Variants in PRL observed in about 807,000 individuals in gnomAD.
The protein encoded by PRL is prolactin.
PRL carries 24 observed loss-of-function variants against 21.3 expected under a neutral mutation model. That is an observed-to-expected ratio of 1.13 (90% confidence interval 0.82 to 1.59). The LOEUF is 1.59. Among genes scored for constraint, PRL ranks in the 40% most tolerant of loss-of-function variants. The pLI is 0.00. For synonymous variants in PRL, 118 were observed against 115.7 expected, an observed-to-expected ratio of 1.02 and a Z score of -0.13; for missense variants, 243 against 286.9, an observed-to-expected ratio of 0.85 and a Z score of 1.10.
At chr6:22,293,462 A>G (rs1210108487) in intron 2 of PRL, among the ~76,000 whole-genome samples, 1 of 152,158 alleles carries the variant, frequency 6.6e-6, no homozygotes, top group Non-Finnish European at 1.5e-5. Context: ...GAGGCCCTTG[A>G]TTTATTAAAG....
chr6:22,298,883 A>G (rs550999904), upstream of PRL, among the ~76,000 whole-genome samples: 1 of 152,318 alleles, frequency 6.6e-6, no homozygotes, highest in African/African-American at 2.4e-5. Context: ...GATAGCCAGG[A>G]TAAGAGCAAT....
upstream of PRL, among the ~76,000 whole-genome samples, chr6:22,298,955 G>T (rs536466884): frequency 6.6e-6 from 1 of 152,278 alleles, no homozygotes; most frequent in Non-Finnish European, 1.5e-5. Context: ...ACTGCAAAGA[G>T]GTACAGGTTT....
chr6:22,291,929 C>A (rs1231133976), intron 3 of PRL, among the ~76,000 whole-genome samples: 2 of 152,148 alleles, frequency 1.3e-5, no homozygotes, highest in African/African-American at 4.8e-5. Flanking sequence ...AGAACAGTGG[C>A]AACTGTAGCT....
At chr6:22,302,151 T>A (rs1761292190), upstream of PRL, among the ~76,000 whole-genome samples, 1 of 152,186 alleles carries the variant, frequency 6.6e-6, no homozygotes, top group Non-Finnish European at 1.5e-5. Flanking sequence ...ATAGATATAG[T>A]CAAGCTGATT....
At position 22,294,415 on chromosome 6, in the gene PRL, G is replaced by A. The variant is rs1761129456; in HGVS notation, c.198C>T (p.Ser66=). The A allele has an allele frequency of 6.2e-7, 1 of 1,614,000 alleles. No individual in the cohort carries two copies. The highest frequency in any genetic ancestry group is 8.5e-7 in the Non-Finnish European group (1 of 1,180,024). Residue 66 remains serine, a synonymous_variant, in exon 2 of 5, where the codon AGC becomes AGT. Coordinates refer to ENST00000306482, the MANE Select transcript of PRL (RefSeq NM_000948.6). ...YIHNLSSEMF[S]EFDKRYTHGR... is the part of the protein sequence containing the mutation. ...CCAGAAGCATGGTACTTACGAATTC[G>A]CTGAACATTTCTGAGGAGAGGTTAT...
At chr6:22,290,432 A>G (rs1761028365) in intron 3 of PRL, 79 bp from the exon 4 acceptor site, 1 of 1,202,820 alleles carries the variant, frequency 8.3e-7, no homozygotes, top group Admixed American at 2.5e-5. Context: ...TTGCTTAGAG[A>G]GGCTGTACTG....
In PRL at chr6:22,288,885, C is replaced by T. The variant is rs1056318361; in HGVS notation, c.492+1289G>A. On this transcript the variant is annotated intron_variant, in intron 4 of 4. Coordinates refer to ENST00000306482, the MANE Select transcript of PRL (RefSeq NM_000948.6). The surrounding 1 kb of genome is among the most constrained non-coding windows in gnomAD (Gnocchi z 4.5). Reference sequence around the variant, plus strand: ...GTGTGTGTGTGTGTATGCGCGTGCGCGTGTGTGTGCGTGTGTGCGCGCGCG... The same window carrying T: ...GTGTGTGTGTGTGTATGCGCGTGCGTGTGTGTGTGCGTGTGTGCGCGCGCG... Among the ~76,000 whole-genome samples the T allele has an allele frequency of 2.0e-5, 3 of 150,956 alleles. No individual in the cohort carries two copies. Among genetic ancestry groups the T allele is most frequent in the African/African-American group, 7.3e-5 (3 of 40,950 alleles).
In PRL at chr6:22,288,941, TGTGTGCGTGCGC is replaced by T. The variant is rs1322252563; in HGVS notation, c.492+1221_492+1232del. ...GTGCGTGCGCGTGTGTGTGCATGTG[TGTGTGCGTGCGC>T]GTGTGTGTGCGTGTGTGTATTCATT... On this transcript the variant is annotated intron_variant, in intron 4 of 4. Coordinates refer to ENST00000306482, the MANE Select transcript of PRL (RefSeq NM_000948.6). This position sits in a 1 kb window ranked among gnomAD's most constrained non-coding sequence, Gnocchi z 4.5. 6.6e-6 allele frequency among the ~76,000 whole-genome samples: 1 copy of T among 152,020 alleles called. No individual in the cohort carries two copies. The highest frequency in any genetic ancestry group is 1.5e-5 in the Non-Finnish European group (1 of 67,980).
Position 22,287,303 on chromosome 6 carries a change from A to C in PRL, c.*99T>G. The C allele has an allele frequency of 8.2e-7, 1 of 1,226,374 alleles. No individual in the cohort carries two copies. Among genetic ancestry groups the C allele is most frequent in the Non-Finnish European group, 1.1e-6 (1 of 909,708 alleles). 76.0% of individuals were successfully genotyped at this position (1,226,374 alleles called of 1,614,324 possible). On this transcript the variant is annotated 3_prime_UTR_variant, in exon 5 of 5. Coordinates refer to ENST00000306482, the MANE Select transcript of PRL (RefSeq NM_000948.6). ...TTTATTTTTTAAGAGGAGACCTGTT[A>C]CACCCAAGCATGGATTCAAAAGAGA... is the stretch of plus-strand genomic sequence containing the variant.
chr6:22,291,840 A>C (rs1409374507), intron 3 of PRL, among the ~76,000 whole-genome samples: 1 of 152,244 alleles, frequency 6.6e-6, no homozygotes, highest in African/African-American at 2.4e-5. Flanking sequence ...GTAGACAACC[A>C]AAAGGAAGAG....
At position 22,290,257 on chromosome 6, in the gene PRL, G is replaced by A. The variant is rs775976140; in HGVS notation, c.409C>T (p.Pro137Ser). The A allele has an allele frequency of 1.2e-6, 2 of 1,613,090 alleles. No homozygotes were observed. The highest frequency in any genetic ancestry group is 1.7e-6 in the Non-Finnish European group (2 of 1,179,248). Reference sequence around the variant, plus strand: ...ACAGCTTTGGATAGGATAGCCTCCGGGGCTTCTTGCATACCACGTACTTCC... The same window carrying A: ...ACAGCTTTGGATAGGATAGCCTCCGAGGCTTCTTGCATACCACGTACTTCC... ...VTEVRGMQEA[P>S]EAILSKAVEI... The change falls in exon 4 of 5, where the codon CCG becomes TCG. Residue 137 changes from proline (P) to serine (S), a missense_variant. Coordinates refer to ENST00000306482, the MANE Select transcript of PRL (RefSeq NM_000948.6).
chr6:22,292,654 G>A lies in PRL; in HGVS notation c.205-9C>T, dbSNP rs758627799. 25 of 1,607,456 alleles carry A rather than the reference G, an allele frequency of 1.6e-5. No individual in the cohort carries two copies. Among genetic ancestry groups the A allele is most frequent in the Non-Finnish European group, 2.1e-5 (25 of 1,175,488 alleles). ...TGGGTATACCGTTTATCCTGGAAAT[G>A]ATGAGACAAATTCAATTAGTTGGGG... is the stretch of plus-strand genomic sequence containing the variant. On this transcript the variant is annotated splice_polypyrimidine_tract_variant and intron_variant, in intron 2 of 4. Transcript: ENST00000306482.
rs1306019408 is a variant in PRL at position 22,294,513 on chromosome 6, C to T, written c.100G>A (p.Gly34Ser). Residue 34 changes from glycine to serine, a missense_variant, in exon 2 of 5, where the codon GGC becomes AGC. Transcript: ENST00000306482. ...GTCACCTGGCATCGGGCAGCCCCGC[C>T]GGGACAGATGGGCAAGGGGGCCACG... is the stretch of plus-strand genomic sequence containing the variant. ...QSVAPLPICP[G>S]GAARCQVTLR... The T allele has an allele frequency of 1.2e-6, 2 of 1,613,924 alleles. No homozygotes were observed. Among genetic ancestry groups the T allele is most frequent in the Non-Finnish European group, 1.7e-6 (2 of 1,180,012 alleles).
chr6:22,292,688 G>A (rs773270713), intron 2 of PRL, 43 bp from the exon 3 acceptor site: 25 of 1,530,700 alleles, frequency 1.6e-5, no homozygotes, highest in Non-Finnish European at 2.2e-5. Context: ...GGTTGTTTGG[G>A]CATTGAATAA....
chr6:22,287,323 AAG>A lies in PRL; in HGVS notation c.*77_*78del. ...CTGTTACACCCAAGCATGGATTCAA[AAG>A]AGATACAACTAAAAGAAGCTTGCAA... is the stretch of plus-strand genomic sequence containing the variant. On this transcript the variant is annotated 3_prime_UTR_variant, in exon 5 of 5. Transcript: ENST00000306482. 7.2e-7 allele frequency: 1 copy of A among 1,395,768 alleles called. No homozygotes were observed. The highest frequency in any genetic ancestry group is 9.7e-7 in the Non-Finnish European group (1 of 1,034,614). The allele number at this position is 1,395,768 out of a possible 1,614,324, so 86.5% of individuals were successfully genotyped here.
rs939227495 is a variant in PRL, at chr6:22,288,879, C to T, written c.493-1286G>A. On this transcript the variant is annotated intron_variant, in intron 4 of 4. Coordinates refer to ENST00000306482, the MANE Select transcript of PRL (RefSeq NM_000948.6). The surrounding 1 kb of genome is among the most constrained non-coding windows in gnomAD (Gnocchi z 4.5). Reference sequence around the variant, plus strand: ...TTTAAAGTGTGTGTGTGTGTATGCGCGTGCGCGTGTGTGTGCGTGTGTGCG... The same window carrying T: ...TTTAAAGTGTGTGTGTGTGTATGCGTGTGCGCGTGTGTGTGCGTGTGTGCG... Among the ~76,000 whole-genome samples, 7 of 151,466 alleles carry T rather than the reference C, an allele frequency of 4.6e-5. No individual in the cohort carries two copies. The highest frequency in any genetic ancestry group is 3.9e-4 in the East Asian group (2 of 5,154).
chr6:22,293,482 A>G (rs1030091593), intron 2 of PRL, among the ~76,000 whole-genome samples: 1 of 152,022 alleles, frequency 6.6e-6, no homozygotes, highest in Non-Finnish European at 1.5e-5. Context: ...GCACTAATCT[A>G]TTGTCTGCTC....
upstream of PRL, among the ~76,000 whole-genome samples, chr6:22,299,751 A>G (rs1761249468): frequency 6.6e-6 from 1 of 152,140 alleles, no homozygotes; most frequent in South Asian, 2.1e-4. Flanking sequence ...AGGCAGGAGA[A>G]TCGCTTGAAC....
intron 1 of PRL, among the ~76,000 whole-genome samples, chr6:22,296,322 A>T (rs1581388763): frequency 6.6e-6 from 1 of 152,244 alleles, no homozygotes; most frequent in Non-Finnish European, 1.5e-5. Flanking sequence ...AAAGGTGATT[A>T]GTTATTACTA....
Sources: gnomAD v4.1 joint callset for allele counts (sites outside exome capture counted in the v4.1 genomes callset) on GRCh38, gnomAD v4.1.1 for gene constraint, Gnocchi (gnomAD v3.1) non-coding constraint, MANE v1.5 for transcripts, NCBI Gene and HGNC (gene_info 2026-07-23, HGNC 2026-07-21) for gene names.